TMIGD3: variants seen among roughly 807,000 people sequenced by gnomAD.
TMIGD3 encodes AD026 protein (AD026).
Under a neutral mutation model 28.1 loss-of-function variants are expected in TMIGD3, and 21 were observed. That is an observed-to-expected ratio of 0.75 (90% CI 0.53 to 1.08). The LOEUF (loss-of-function observed/expected upper bound fraction) is 1.08. TMIGD3 is among the 50% of genes least tolerant of loss of function. TMIGD3 has a pLI of 0.00. For synonymous variants in TMIGD3, 151 were observed against 162.1 expected, an observed-to-expected ratio of 0.93 and a Z score of 0.52; for missense variants, 416 against 435.6, an observed-to-expected ratio of 0.96 and a Z score of 0.40.
intron 1 of TMIGD3, among the ~76,000 whole-genome samples, chr1:111,502,042 A>G (rs896067007): frequency 7.1e-6 from 1 of 141,384 alleles, no homozygotes; most frequent in African/African-American, 2.6e-5. Flanking sequence ...TATAGGATAT[A>G]TATTTAATAT....
intron 1 of TMIGD3, among the ~76,000 whole-genome samples, chr1:111,559,778 C>T (rs1468697109): frequency 1.3e-5 from 2 of 152,144 alleles, no homozygotes; most frequent in Admixed American, 1.3e-4. Flanking sequence ...TGGCTAAAAG[C>T]CATAACATGA....
At chr1:111,552,361 G>C (rs910887913) in intron 1 of TMIGD3, among the ~76,000 whole-genome samples, 57 of 152,334 alleles carry the variant, frequency 3.7e-4, no homozygotes, top group Admixed American at 1.4e-3. Context: ...AATGTCACAA[G>C]TCTGTCCCTC....
Position 111,490,674 on chromosome 1 carries a change from A to G in TMIGD3, c.439T>C (p.Ser147Pro). ...ATCCTACCTGAAATGAGAGCCAAGG[A>G]GAGTAGAATGAAGAGCCACATGACT... ...LPVMWLFILL[S>P]LALISDAMVM... Residue 147 changes from serine to proline, a missense_variant, in exon 2 of 6, where the codon TCC becomes CCC. Transcript: ENST00000369716. 1 of 1,613,408 alleles carries G rather than the reference A, an allele frequency of 6.2e-7. No homozygotes were observed. The highest frequency in any genetic ancestry group is 8.5e-7 in the Non-Finnish European group (1 of 1,179,350).
intron 1 of TMIGD3, among the ~76,000 whole-genome samples, chr1:111,514,755 A>G (rs1655804589): frequency 6.6e-6 from 1 of 152,162 alleles, no homozygotes; most frequent in South Asian, 2.1e-4. Flanking sequence ...TTCCCCATGC[A>G]GTAACACAAT....
At chr1:111,518,012 T>C (rs762960225) in intron 1 of TMIGD3, among the ~76,000 whole-genome samples, 1 of 152,218 alleles carries the variant, frequency 6.6e-6, no homozygotes, top group Non-Finnish European at 1.5e-5. Flanking sequence ...ACCCATTTTA[T>C]AGATAAGTAG....
At chr1:111,504,956 A>G (rs569690592), upstream of TMIGD3, 4 of 985,324 alleles carry the variant, frequency 4.1e-6, no homozygotes, top group Non-Finnish European at 4.8e-6. Flanking sequence ...CCATCATTCT[A>G]GTATTTTCCA....
At chr1:111,529,998 G>A (rs1047149867) in intron 1 of TMIGD3, among the ~76,000 whole-genome samples, 4 of 102,538 alleles carry the variant, frequency 3.9e-5, no homozygotes, top group African/African-American at 1.2e-4. Flanking sequence ...CGGGCGGGGC[G>A]CTGACCCCCC....
chr1:111,502,804 A>C (rs1655307932), intron 1 of TMIGD3, among the ~76,000 whole-genome samples: 1 of 152,036 alleles, frequency 6.6e-6, no homozygotes, highest in South Asian at 2.1e-4. Context: ...GGATTGGAGC[A>C]TTCCTCTGAT....
chr1:111,550,153 C>A (rs1301746531), intron 1 of TMIGD3, among the ~76,000 whole-genome samples: 1 of 151,978 alleles, frequency 6.6e-6, no homozygotes, highest in African/African-American at 2.4e-5. Context: ...CTTTTTATTT[C>A]TTTAAGATTG....
chr1:111,541,037 T>G (rs75157581), intron 1 of TMIGD3, among the ~76,000 whole-genome samples: 1 of 152,182 alleles, frequency 6.6e-6, no homozygotes, highest in Non-Finnish European at 1.5e-5. Flanking sequence ...CTGCATACAC[T>G]CCACCTAGAC....
At chr1:111,483,848 A>T (rs561232669) in intron 5 of TMIGD3, 91 bp from the exon 6 acceptor site, 27 of 1,015,732 alleles carry the variant, frequency 2.7e-5, no homozygotes, top group Admixed American at 5.6e-5. Flanking sequence ...AAACTCTGTC[A>T]TGGGGCTTTC....
chr1:111,485,692 AT>A (rs749704635), intron 5 of TMIGD3, 47 bp downstream of exon 5: 15 of 1,407,608 alleles, frequency 1.1e-5, no homozygotes, highest in African/African-American at 1.4e-5. Context: ...GACCTCTTTC[AT>A]TTTCTCTAAT....
intron 2 of TMIGD3, chr1:111,489,341 T>C (rs905748267): frequency 1.1e-4 from 35 of 330,886 alleles, no homozygotes; most frequent in African/African-American, 6.3e-4. Flanking sequence ...AAGGAGAGAT[T>C]AAGACACTGA....
rs141791684 is a variant in TMIGD3, at chr1:111,524,426, C to A, written c.108-33664G>T. ...AAATGACATATTTACTGGAGTTGTG[C>A]CTTTTCTACCACACTGGGTGAAATA... On this transcript the variant is annotated intron_variant, in intron 1 of 5. Coordinates refer to the TMIGD3 transcript ENST00000369717. 5.3e-5 allele frequency among the ~76,000 whole-genome samples: 8 copies of A among 152,192 alleles called. No homozygotes were observed. The East Asian group carries it at 1.5e-3, about 29-fold the overall frequency.
At chr1:111,559,345 A>T (rs1203508975) in intron 1 of TMIGD3, among the ~76,000 whole-genome samples, 1 of 152,214 alleles carries the variant, frequency 6.6e-6, no homozygotes, top group East Asian at 1.9e-4. Context: ...ACTAATGTTT[A>T]TTGAACACCC....
upstream of TMIGD3, chr1:111,503,875 A>G: frequency 1.0e-6 from 1 of 993,358 alleles, no homozygotes; most frequent in African/African-American, 1.7e-5. Context: ...ATCAGAGTTC[A>G]TTCATTCAGG....
chr1:111,542,744 TGGA>T (rs1277715895), intron 1 of TMIGD3, among the ~76,000 whole-genome samples: 1 of 152,124 alleles, frequency 6.6e-6, no homozygotes, highest in Non-Finnish European at 1.5e-5. Context: ...TCACCCAGGC[TGGA>T]GTGCAGTGGT....
chr1:111,497,771 T>G (rs528394630), intron 1 of TMIGD3, among the ~76,000 whole-genome samples: 2 of 152,270 alleles, frequency 1.3e-5, no homozygotes, highest in South Asian at 4.1e-4. Flanking sequence ...CAGAACGCTG[T>G]TTTGTCTTGA....
intron 1 of TMIGD3, among the ~76,000 whole-genome samples, chr1:111,552,563 T>A (rs1172272111): frequency 1.3e-5 from 2 of 152,220 alleles, no homozygotes; most frequent in Non-Finnish European, 2.9e-5. Context: ...ACCATTTTTT[T>A]ATCCACTATA....
Sources: gnomAD v4.1 joint callset for allele counts (sites outside exome capture counted in the v4.1 genomes callset) on GRCh38, gnomAD v4.1.1 for gene constraint, MANE v1.5 for transcripts, NCBI Gene and HGNC (gene_info 2026-07-23, HGNC 2026-07-21) for gene names.